Variants in KCNN2 observed in about 807,000 individuals in gnomAD.
The protein encoded by KCNN2 is small conductance calcium-activated potassium channel protein 2.
A neutral mutation model predicts 55.5 loss-of-function variants in KCNN2; 24 were observed. The ratio of observed to expected loss-of-function variants is 0.43; its 90% CI spans 0.31 to 0.61. The LOEUF is 0.61. KCNN2 is among the 20% of genes least tolerant of loss of function. The pLI is 0.08. For synonymous variants in KCNN2, 431 were observed against 336.1 expected, an observed-to-expected ratio of 1.28 and a Z score of -3.09; for missense variants, 754 against 853.6, an observed-to-expected ratio of 0.88 and a Z score of 1.45.
At chr5:114,183,453 A>C (rs1383581179) in intron 1 of KCNN2, among the ~76,000 whole-genome samples, 1 of 152,066 alleles carries the variant, frequency 6.6e-6, no homozygotes, top group African/African-American at 2.4e-5. Context: ...TATTTGAGAA[A>C]ATTCTTGAAA....
chr5:114,277,910 G>C (rs529920471), intron 2 of KCNN2, among the ~76,000 whole-genome samples: 1 of 152,288 alleles, frequency 6.6e-6, no homozygotes, highest in South Asian at 2.1e-4. Flanking sequence ...CTTTGGAGGA[G>C]AAAAGGCATT....
In KCNN2 at chr5:114,463,147, A is replaced by T; in HGVS notation, c.1736A>T (p.Asn579Ile). 6.2e-7 allele frequency: 1 copy of T among 1,613,498 alleles called. No homozygotes were observed. The highest frequency in any genetic ancestry group is 8.5e-7 in the Non-Finnish European group (1 of 1,179,574). Residue 579 changes from asparagine (N) to isoleucine (I), a missense_variant, in exon 4 of 8, where the codon AAC (asparagine) becomes ATC (isoleucine). Asn to Ile is a moderately radical substitution (Grantham distance 149, BLOSUM62 -3). Around this residue, in one of 4 missense-constraint regions of KCNN2, gnomAD observed 86 missense variants for 233.0 expected, o/e 0.37. Transcript: ENST00000673685. ...ATTGGTTATGGTGACATGGTACCTA[A>T]CACATACTGTGGAAAAGGAGTCTGC... ...LSIGYGDMVP[N>I]TYCGKGVCLL...
intron 1 of KCNN2, among the ~76,000 whole-genome samples, chr5:114,071,813 C>A (rs1051202273): frequency 2.0e-5 from 3 of 152,132 alleles, no homozygotes; most frequent in African/African-American, 7.2e-5. Context: ...TGATAAGGGA[C>A]CATGTGCTAT....
chr5:114,398,345 A>G (rs924502199), intron 2 of KCNN2, among the ~76,000 whole-genome samples: 1 of 152,104 alleles, frequency 6.6e-6, no homozygotes, highest in Non-Finnish European at 1.5e-5. Flanking sequence ...GTGTCGCATT[A>G]TGTCTGCACT....
chr5:114,480,813 A>G (rs906649894), intron 5 of KCNN2, among the ~76,000 whole-genome samples: 1 of 152,204 alleles, frequency 6.6e-6, no homozygotes, highest in Admixed American at 6.5e-5. Flanking sequence ...AAAAAATTCA[A>G]CATCCCTGCA....
At chr5:114,323,160 A>G (rs947708472) in intron 2 of KCNN2, among the ~76,000 whole-genome samples, 4 of 152,234 alleles carry the variant, frequency 2.6e-5, no homozygotes, top group Non-Finnish European at 5.9e-5. Flanking sequence ...CCCGGTTTAC[A>G]TTACAGGTAC....
chr5:114,433,070 C>T (rs1005143754), intron 3 of KCNN2, among the ~76,000 whole-genome samples: 6 of 152,206 alleles, frequency 3.9e-5, no homozygotes, highest in African/African-American at 1.4e-4. Flanking sequence ...AGTGCGGGCG[C>T]ACAGCACGGG....
At chr5:114,418,210 A>G (rs769014591) in intron 3 of KCNN2, among the ~76,000 whole-genome samples, 46 of 152,230 alleles carry the variant, frequency 3.0e-4, no homozygotes, top group Admixed American at 2.6e-4. Context: ...GGGTTTTACC[A>G]TTTAGTAAGT....
In KCNN2 at chr5:114,056,604, C is replaced by T. The variant is rs1344201599; in HGVS notation, c.-271+104C>T. 29 of 393,744 alleles carry T rather than the reference C, an allele frequency of 7.4e-5. No homozygotes were observed. In the East Asian group the frequency reaches 9.0e-4, roughly 12 times the overall value. The allele number at this position is 393,744 out of a possible 1,614,324, so 24.4% of individuals were successfully genotyped here. On this transcript the variant is annotated intron_variant, in intron 1 of 10. Coordinates refer to the KCNN2 transcript ENST00000512097. ...GTGAAGTTTGCCTGGGCTTTCACTC[C>T]TCCCCTCCCTCTTGCTTACTTTTCT...
chr5:114,306,802 G>C (rs1756286696), intron 2 of KCNN2, among the ~76,000 whole-genome samples: 1 of 149,516 alleles, frequency 6.7e-6, no homozygotes, highest in Admixed American at 6.8e-5. Context: ...CCAGATTCAA[G>C]TGACTCTTCT....
At chr5:114,416,254 C>A (rs192283320) in intron 3 of KCNN2, among the ~76,000 whole-genome samples, 29 of 151,962 alleles carry the variant, frequency 1.9e-4, no homozygotes, top group Non-Finnish European at 3.7e-4. Flanking sequence ...TTTTAAGATT[C>A]TTTTTGTTTT....
intron 2 of KCNN2, among the ~76,000 whole-genome samples, chr5:114,326,634 C>T (rs758026284): frequency 1.3e-5 from 2 of 152,114 alleles, no homozygotes; most frequent in East Asian, 1.9e-4. Context: ...TTTATGGACC[C>T]GAATTTCAGT....
chr5:114,364,720 A>G (rs1174312816), intron 2 of KCNN2, among the ~76,000 whole-genome samples: 2 of 151,750 alleles, frequency 1.3e-5, no homozygotes, highest in Non-Finnish European at 2.9e-5. Context: ...CTTACGGGTC[A>G]TCTTGTCAGT....
chr5:114,399,636 T>G (rs1335760013), intron 2 of KCNN2, among the ~76,000 whole-genome samples: 1 of 152,204 alleles, frequency 6.6e-6, no homozygotes, highest in African/African-American at 2.4e-5. Context: ...GAGAAGTGCC[T>G]TCTTCTCAAT....
At chr5:114,258,179 C>T (rs551509367) in intron 2 of KCNN2, among the ~76,000 whole-genome samples, 1 of 152,160 alleles carries the variant, frequency 6.6e-6, no homozygotes, top group East Asian at 1.9e-4. Flanking sequence ...ATCTTCGCAT[C>T]CCTGGAATAA....
At chr5:114,189,834 T>G (rs550206694) in intron 1 of KCNN2, among the ~76,000 whole-genome samples, 2 of 152,244 alleles carry the variant, frequency 1.3e-5, no homozygotes, top group South Asian at 4.1e-4. Flanking sequence ...AAAATAGCAT[T>G]GCCAGTCAGT....
At chr5:114,126,947 A>G (rs1203632951) in intron 1 of KCNN2, among the ~76,000 whole-genome samples, 1 of 152,148 alleles carries the variant, frequency 6.6e-6, no homozygotes, top group Non-Finnish European at 1.5e-5. Flanking sequence ...CAGTCATTAA[A>G]CCTTAAAGTT....
At chr5:114,079,219 T>C (rs1330467928) in intron 1 of KCNN2, among the ~76,000 whole-genome samples, 1 of 152,220 alleles carries the variant, frequency 6.6e-6, no homozygotes, top group Non-Finnish European at 1.5e-5. Context: ...AAGAGACTTT[T>C]AATGATTTTT....
intron 2 of KCNN2, among the ~76,000 whole-genome samples, chr5:114,261,569 T>G (rs1403685851): frequency 6.6e-6 from 1 of 152,174 alleles, no homozygotes. Context: ...AGGATATATG[T>G]TTTTGAAACT....
Sources: gnomAD v4.1 joint callset for allele counts (sites outside exome capture counted in the v4.1 genomes callset) on GRCh38, gnomAD v4.1.1 for gene constraint, gnomAD v4.1.1 regional missense constraint, MANE v1.5 for transcripts, NCBI Gene and HGNC (gene_info 2026-07-23, HGNC 2026-07-21) for gene names.